The following MARCHF1 variants were observed in gnomAD, a reference collection of about 807,000 sequenced individuals.
MARCHF1 encodes E3 ubiquitin-protein ligase MARCHF1.
In MARCHF1, 40 loss-of-function variants were observed where a neutral mutation model predicts 54.2. The ratio of observed to expected loss-of-function variants is 0.74; its 90% confidence interval spans 0.57 to 0.96. The LOEUF is 0.96. MARCHF1 is among the 40% of genes least tolerant of loss of function. The pLI is 0.00. For synonymous variants in MARCHF1, 236 were observed against 236.3 expected (o/e 1.00, Z 0.01); for missense variants, 586 against 656.5 (o/e 0.89, Z 1.17).
intron 4 of MARCHF1, among the ~76,000 whole-genome samples, chr4:163,733,510 T>A (rs1745943669): frequency 6.6e-6 from 1 of 151,038 alleles, no homozygotes; most frequent in East Asian, 2.0e-4. Flanking sequence ...AATGTGCAGG[T>A]TTGTTACATA....
intron 4 of MARCHF1, among the ~76,000 whole-genome samples, chr4:163,733,195 A>ACG (rs1314185951): frequency 3.8e-5 from 1 of 26,352 alleles, no homozygotes; most frequent in African/African-American, 1.2e-4. Context: ...ATATATATAT[A>ACG]TATATATATA....
intron 1 of MARCHF1, among the ~76,000 whole-genome samples, chr4:164,123,663 A>G (rs1756122964): frequency 6.6e-6 from 1 of 152,162 alleles, no homozygotes; most frequent in Non-Finnish European, 1.5e-5. Context: ...CAGTGAACTC[A>G]TTTTTGACAA....
chr4:164,142,034 C>A (rs1300414048), intron 1 of MARCHF1, among the ~76,000 whole-genome samples: 2 of 152,154 alleles, frequency 1.3e-5, no homozygotes, highest in Non-Finnish European at 2.9e-5. Context: ...AGGGAGTTCC[C>A]TTTCCCAGTC....
At chr4:163,641,197 A>T (rs1742542299) in intron 5 of MARCHF1, among the ~76,000 whole-genome samples, 2 of 152,152 alleles carry the variant, frequency 1.3e-5, no homozygotes, top group Admixed American at 1.3e-4. Context: ...TCAGAAGCTA[A>T]AGAACATTTA....
intron 5 of MARCHF1, among the ~76,000 whole-genome samples, chr4:163,649,384 A>G (rs1400608576): frequency 1.3e-5 from 2 of 152,124 alleles, no homozygotes; most frequent in Non-Finnish European, 2.9e-5. Flanking sequence ...GAGAGTTGTA[A>G]ATCGAAACAC....
chr4:163,544,956 CA>C (rs1411734738), intron 9 of MARCHF1, among the ~76,000 whole-genome samples: 1 of 152,174 alleles, frequency 6.6e-6, no homozygotes, highest in Admixed American at 6.5e-5. Context: ...GGTCCTTTCA[CA>C]CATGAAAATA....
intron 7 of MARCHF1, among the ~76,000 whole-genome samples, chr4:163,605,070 AAT>A (rs1318445642): frequency 6.6e-6 from 1 of 152,154 alleles, no homozygotes; most frequent in South Asian, 2.1e-4. Context: ...TTCAAAAATA[AAT>A]AGTTATTTTC....
At chr4:164,090,452 C>G (rs1755274895) in intron 2 of MARCHF1, among the ~76,000 whole-genome samples, 1 of 151,872 alleles carries the variant, frequency 6.6e-6, no homozygotes, top group South Asian at 2.1e-4. Flanking sequence ...ACTATTCAAA[C>G]AATAAGTAAA....
intron 1 of MARCHF1, among the ~76,000 whole-genome samples, chr4:164,358,704 T>C (rs1459891288): frequency 6.6e-6 from 1 of 152,152 alleles, no homozygotes; most frequent in African/African-American, 2.4e-5. Flanking sequence ...GAGGTTGTAA[T>C]TGGATTAATA....
intron 2 of MARCHF1, among the ~76,000 whole-genome samples, chr4:164,103,206 C>T (rs1222341119): frequency 0.01 from 719 of 68,636 alleles, 13 homozygotes; most frequent in South Asian, 0.026. Context: ...GACAGATCAA[C>T]GAGACAGAAA....
chr4:164,227,103 G>A (rs528112519), intron 1 of MARCHF1, among the ~76,000 whole-genome samples: 2 of 152,160 alleles, frequency 1.3e-5, no homozygotes, highest in East Asian at 3.9e-4. Flanking sequence ...GTTTCACACT[G>A]CTATGAAGAA....
chr4:163,760,158 G>C (rs181718018), intron 4 of MARCHF1, among the ~76,000 whole-genome samples: 62 of 152,264 alleles, frequency 4.1e-4, no homozygotes, highest in African/African-American at 1.4e-3. Flanking sequence ...TCTTTGGCCT[G>C]TGTCTCCCTT....
chr4:164,060,750 A>C (rs2111066971), intron 2 of MARCHF1, among the ~76,000 whole-genome samples: 1 of 152,302 alleles, frequency 6.6e-6, no homozygotes, highest in Non-Finnish European at 1.5e-5. Flanking sequence ...TATAAATAAA[A>C]ACTTTCCAAC....
chr4:164,132,305 C>T (rs1396515919), intron 1 of MARCHF1, among the ~76,000 whole-genome samples: 1 of 152,024 alleles, frequency 6.6e-6, no homozygotes, highest in Non-Finnish European at 1.5e-5. Flanking sequence ...ACAAAAGAGT[C>T]CTGTCTTTTT....
chr4:164,095,769 C>A (rs1459299036), intron 2 of MARCHF1, among the ~76,000 whole-genome samples: 1 of 152,018 alleles, frequency 6.6e-6, no homozygotes. Flanking sequence ...AGGACATGAA[C>A]AGACACTTGT....
At chr4:164,296,454 C>T (rs1183454253) in intron 1 of MARCHF1, among the ~76,000 whole-genome samples, 1 of 152,174 alleles carries the variant, frequency 6.6e-6, no homozygotes, top group Non-Finnish European at 1.5e-5. Context: ...CTCACTGCAA[C>T]CTCCACCTCC....
intron 2 of MARCHF1, among the ~76,000 whole-genome samples, chr4:164,038,207 AT>A (rs1416911476): frequency 2.6e-5 from 4 of 152,252 alleles, no homozygotes; most frequent in South Asian, 4.1e-4. Flanking sequence ...TAATTAAAAA[AT>A]AAAGGCCAGG....
chr4:163,970,354 G>T (rs1003066598), intron 3 of MARCHF1, among the ~76,000 whole-genome samples: 1 of 152,080 alleles, frequency 6.6e-6, no homozygotes. Flanking sequence ...AGTGCCTTGG[G>T]GCCACTCAGG....
chr4:163,558,619 C>G (rs1024359307), intron 8 of MARCHF1, among the ~76,000 whole-genome samples: 6 of 152,198 alleles, frequency 3.9e-5, no homozygotes, highest in Non-Finnish European at 5.9e-5. Context: ...GGACGATGAG[C>G]TGCAGGCACT....
Sources: gnomAD v4.1 joint callset for allele counts (sites outside exome capture counted in the v4.1 genomes callset) on GRCh38, gnomAD v4.1.1 for gene constraint, MANE v1.5 for transcripts, NCBI Gene and HGNC (gene_info 2026-07-23, HGNC 2026-07-21) for gene names.